The following CEP250 variants were observed in gnomAD, a reference collection of about 807,000 sequenced individuals.
The protein encoded by CEP250 is centrosomal protein 250.
A neutral mutation model predicts 315.7 loss-of-function variants in CEP250; 242 were observed. That is an observed-to-expected ratio of 0.77 (90% CI 0.69 to 0.85). The LOEUF is 0.85. Ranked by LOEUF, CEP250 falls within the 40% of genes least tolerant of loss-of-function variation. The probability of loss-of-function intolerance (pLI) is 0.00; values close to 1 mark genes in which losing one functional copy is unlikely to be tolerated. For synonymous variants in CEP250, 1,088 were observed against 1,175.0 expected, an observed-to-expected ratio of 0.93 and a Z score of 1.51; for missense variants, 2,515 against 2,886.4, an observed-to-expected ratio of 0.87 and a Z score of 2.95.
At chr20:35,465,576 G>T (rs1325852456) in intron 5 of CEP250, among the ~76,000 whole-genome samples, 167 bp from the exon 6 acceptor site, 1 of 152,204 alleles carries the variant, frequency 6.6e-6, no homozygotes, top group Non-Finnish European at 1.5e-5. Context: ...GAGGTCATCA[G>T]TTTACTTTTG....
rs1288090322 is a variant in CEP250 at position 35,479,458 on chromosome 20, G to C, written c.2288+34G>C. ...CAGACTCAGTTCAGCCAAGCACAGA[G>C]AGAGCTTTGCAAGGCAAAGGCGTGA... On this transcript the variant is annotated intron_variant, in intron 18 of 34. Coordinates refer to ENST00000397527, the MANE Select transcript of CEP250 (RefSeq NM_007186.6). The C allele has an allele frequency of 3.1e-6, 5 of 1,592,190 alleles. No individual in the cohort carries two copies. The South Asian group carries it at 4.5e-5, about 14-fold the overall frequency.
At chr20:35,467,179 G>GCC in intron 8 of CEP250, 107 bp downstream of exon 8, 1 of 534,902 alleles carries the variant, frequency 1.9e-6, no homozygotes, top group Non-Finnish European at 3.5e-6. Context: ...GGTGGGTGGG[G>GCC]GAGTTGGTAG....
chr20:35,463,232 G>A (rs1369465899), intron 4 of CEP250, among the ~76,000 whole-genome samples: 1 of 152,056 alleles, frequency 6.6e-6, no homozygotes, highest in African/African-American at 2.4e-5. Flanking sequence ...GCAAAACCCT[G>A]TCTCTACTAA....
At position 35,504,810 on chromosome 20, in the gene CEP250, G is replaced by C. The variant is rs770526043; in HGVS notation, c.6441G>C (p.Arg2147Ser). The C allele has an allele frequency of 6.2e-7, 1 of 1,614,212 alleles. No individual in the cohort carries two copies. The highest frequency in any genetic ancestry group is 2.2e-5 in the East Asian group (1 of 44,886). ...QSLKLDSLEP[R>S]LQRELERLQA... Reference sequence around the variant, plus strand: ...TAAAACTTGATTCTTTAGAGCCCAGGCTGCAGCGGGAGCTGGAGCGGCTAC... The same window carrying C: ...TAAAACTTGATTCTTTAGAGCCCAGCCTGCAGCGGGAGCTGGAGCGGCTAC... The change falls in exon 30 of 35, where the codon AGG (arginine) becomes AGC (serine). Residue 2147 changes from arginine (R) to serine (S), a missense_variant. By Grantham distance (110) the Arg-to-Ser change is moderately radical. Coordinates refer to ENST00000397527, the MANE Select transcript of CEP250 (RefSeq NM_007186.6).
Position 35,508,802 on chromosome 20 carries a change from C to A in CEP250, c.6907-141C>A, listed in dbSNP as rs1601322850. ...GCACTGAGGCCTGCCCTAGCTGTGC[C>A]TTCCTCAGCCAGGAGTTCTCTTCCC... On this transcript the variant is annotated intron_variant, in intron 32 of 34. Coordinates refer to ENST00000397527, the MANE Select transcript of CEP250 (RefSeq NM_007186.6). 8.9e-6 allele frequency: 6 copies of A among 677,490 alleles called. No individual in the cohort carries two copies. In the East Asian group the frequency reaches 1.6e-4, roughly 19 times the overall value. The allele number at this position is 677,490 out of a possible 1,614,324, so 42.0% of individuals were successfully genotyped here. A position where few individuals can be genotyped will look rare whatever the true frequency, so the allele number is the denominator to read the frequency against.
chr20:35,487,473 GA>G (rs534255884), intron 20 of CEP250, among the ~76,000 whole-genome samples: 355 of 150,964 alleles, frequency 2.4e-3, no homozygotes, highest in African/African-American at 7.8e-3. Flanking sequence ...CTGTCTCAAA[GA>G]AAAAAAAGAA....
At chr20:35,481,937 C>T (rs186937575) in intron 20 of CEP250, among the ~76,000 whole-genome samples, 7 of 152,152 alleles carry the variant, frequency 4.6e-5, no homozygotes, top group East Asian at 1.9e-4. Context: ...TGGGCTCAAG[C>T]GATCCACCCG....
In CEP250 at chr20:35,503,085, G is replaced by A. The variant is rs1359883780; in HGVS notation, c.4716G>A (p.Gln1572=). Residue 1572 remains glutamine (Q), a synonymous_variant, in exon 30 of 35, where the codon CAG becomes CAA. Coordinates refer to ENST00000397527, the MANE Select transcript of CEP250 (RefSeq NM_007186.6). This position sits in a 1 kb window ranked among gnomAD's most constrained non-coding sequence, Gnocchi z 4.2. ...LEENHHKMEC[Q]QKLIKELEGQ... ...AAAACCATCACAAGATGGAGTGCCA[G>A]CAAAAACTGATCAAGGAGCTGGAGG... 1.9e-6 allele frequency: 3 copies of A among 1,614,158 alleles called. No individual in the cohort carries two copies. The highest frequency in any genetic ancestry group is 2.5e-6 in the Non-Finnish European group (3 of 1,180,032).
intron 24 of CEP250, among the ~76,000 whole-genome samples, chr20:35,496,140 G>A (rs1034180338): frequency 3.3e-5 from 5 of 152,146 alleles, no homozygotes; most frequent in African/African-American, 7.2e-5. Context: ...TGAACGTGAG[G>A]TACTAATATA....
Position 35,472,013 on chromosome 20 carries a change from A to G in CEP250, c.949-37A>G, listed in dbSNP as rs1410924362. 5 of 1,225,994 alleles carry G rather than the reference A, an allele frequency of 4.1e-6. No homozygotes were observed. The East Asian group carries it at 1.2e-4, about 29-fold the overall frequency. 75.9% of individuals were successfully genotyped at this position (1,225,994 alleles called of 1,614,324 possible). A position where few individuals can be genotyped will look rare whatever the true frequency, so the allele number is the denominator to read the frequency against. ...CTGGAATAATAAATTCACTTTTGAG[A>G]GTTTGGCTCTGAGGCTCTGTTCTAT... On this transcript the variant is annotated intron_variant, in intron 10 of 34. Transcript: ENST00000397527.
At chr20:35,496,348 AAC>A (rs1491057601) in intron 24 of CEP250, among the ~76,000 whole-genome samples, 1 of 152,052 alleles carries the variant, frequency 6.6e-6, no homozygotes, top group African/African-American at 2.4e-5. Context: ...ATAAAAAAAA[AAC>A]ACAAAAAAAC....
At position 35,511,579 on chromosome 20, in the gene CEP250, G is replaced by A; in HGVS notation, c.7282G>A (p.Val2428Ile). Reference sequence around the variant, plus strand: ...TCAAAGTCTGACATCCCCAGGGCCAGTCCTGCTACACCCCAGCCCCAGCAC... The same window carrying A: ...TCAAAGTCTGACATCCCCAGGGCCAATCCTGCTACACCCCAGCCCCAGCAC... Reference protein sequence around the residue: ...LTQSLTSPGPVLLHPSPSTTQ... With the variant: ...LTQSLTSPGPILLHPSPSTTQ... Residue 2428 changes from valine (V) to isoleucine (I), a missense_variant, in exon 35 of 35, where the codon GTC (valine) becomes ATC (isoleucine). Coordinates refer to ENST00000397527, the MANE Select transcript of CEP250 (RefSeq NM_007186.6). 6.2e-7 allele frequency: 1 copy of A among 1,613,650 alleles called. No homozygotes were observed. Among genetic ancestry groups the A allele is most frequent in the South Asian group, 1.1e-5 (1 of 91,056 alleles).
chr20:35,477,300 A>G (rs6119612), intron 16 of CEP250, among the ~76,000 whole-genome samples: 52,107 of 151,942 alleles, frequency 0.34, 10,322 homozygotes, highest in African/African-American at 0.54. Context: ...GTGAGCCACC[A>G]CACTTGGCTG....
intron 20 of CEP250, among the ~76,000 whole-genome samples, chr20:35,481,669 G>A (rs1195466865): frequency 1.4e-5 from 2 of 145,048 alleles, no homozygotes; most frequent in Non-Finnish European, 3.0e-5. Context: ...GTAAGGGTCT[G>A]TTGGTAGTTA....
At chr20:35,473,147 A>G (rs1186870067) in intron 12 of CEP250, among the ~76,000 whole-genome samples, 1 of 151,494 alleles carries the variant, frequency 6.6e-6, no homozygotes, top group Non-Finnish European at 1.5e-5. Context: ...CACACTTACC[A>G]CTCCCCCATG....
In CEP250 at chr20:35,466,965, G is replaced by A. The variant is rs200083040; in HGVS notation, c.493-1G>A. 3.3e-4 allele frequency: 526 copies of A among 1,608,214 alleles called. No homozygotes were observed. Among genetic ancestry groups the A allele is most frequent in the Admixed American group, 1.6e-3 (94 of 59,938 alleles). On this transcript the variant is annotated splice_acceptor_variant, in intron 7 of 34. Transcript: ENST00000397527. LOFTEE classifies it high-confidence loss of function. ...TATGACCTGGGTTTCTGAACACACA[G>A]TTCTTCAAGGGCTACCTGAAAGGGG...
intron 20 of CEP250, 45 bp from the exon 21 acceptor site, chr20:35,490,592 C>T (rs367864961): frequency 6.3e-7 from 1 of 1,582,274 alleles, no homozygotes; most frequent in South Asian, 1.1e-5. Context: ...CCTGCCTCCC[C>T]TCCTCACCCA....
At position 35,518,367 on chromosome 20, in the gene CEP250, G is replaced by A. The variant is rs533440187; in HGVS notation, c.*6741G>A. ...ATATTTGCATTTTGTTAGGTTGTGT[G>A]TGGTAGTTGAGCAGCCAAGGGGGTA... On this transcript the variant is annotated 3_prime_UTR_variant, in exon 35 of 35. Coordinates refer to ENST00000397527, the MANE Select transcript of CEP250 (RefSeq NM_007186.6). 7 of 152,284 alleles carry A rather than the reference G, an allele frequency of 4.6e-5. No individual in the cohort carries two copies. The highest frequency in any genetic ancestry group is 2.9e-5 in the Non-Finnish European group (2 of 68,038). 9.4% of individuals were successfully genotyped at this position (152,284 alleles called of 1,614,324 possible). A position where few individuals can be genotyped will look rare whatever the true frequency, so the allele number is the denominator to read the frequency against.
At position 35,516,935 on chromosome 20, in the gene CEP250, G is replaced by A. The variant is rs1047412388; in HGVS notation, c.*5309G>A. 1.0e-6 allele frequency: 1 copy of A among 977,386 alleles called. No homozygotes were observed. Among genetic ancestry groups the A allele is most frequent in the Non-Finnish European group, 1.2e-6 (1 of 822,614 alleles). The allele number at this position is 977,386 out of a possible 1,614,324, so 60.5% of individuals were successfully genotyped here. On this transcript the variant is annotated 3_prime_UTR_variant, in exon 35 of 35. Transcript: ENST00000397527. ...CGGCAGAAACGTCAGCCACAGGTGAGCATAAGCTCAAACCCCCCCATTGAA... is the reference window on the plus strand; with the variant it reads ...CGGCAGAAACGTCAGCCACAGGTGAACATAAGCTCAAACCCCCCCATTGAA...
Sources: gnomAD v4.1 joint callset for allele counts (sites outside exome capture counted in the v4.1 genomes callset) on GRCh38, gnomAD v4.1.1 for gene constraint, Gnocchi (gnomAD v3.1) non-coding constraint, MANE v1.5 for transcripts, NCBI Gene and HGNC (gene_info 2026-07-23, HGNC 2026-07-21) for gene names.